The following GLRA3 variants were observed in gnomAD, a reference collection of about 807,000 sequenced individuals.
GLRA3 encodes the protein glycine receptor subunit alpha-3.
A neutral mutation model predicts 60.4 loss-of-function variants in GLRA3; 44 were observed. The ratio of observed to expected loss-of-function variants is 0.73; its 90% CI spans 0.57 to 0.94. The LOEUF is 0.94. Ranked by LOEUF, GLRA3 falls within the 40% of genes least tolerant of loss-of-function variation. GLRA3 has a pLI of 0.00. For missense variants in GLRA3, 508 were observed against 564.6 expected, an observed-to-expected ratio of 0.90 and a Z score of 1.02; for synonymous variants, 223 against 192.9, an observed-to-expected ratio of 1.16 and a Z score of -1.29.
intron 3 of GLRA3, among the ~76,000 whole-genome samples, chr4:174,731,512 A>G (rs186259428): frequency 4.7e-4 from 71 of 152,232 alleles, no homozygotes; most frequent in Non-Finnish European, 8.7e-4. Flanking sequence ...GCTACTCAAG[A>G]AGGCAACTTG....
At chr4:174,740,877 CTGGCTCTTTCT>C (rs1736995534) in intron 3 of GLRA3, among the ~76,000 whole-genome samples, 1 of 152,178 alleles carries the variant, frequency 6.6e-6, no homozygotes, top group Non-Finnish European at 1.5e-5. Flanking sequence ...CATTTTGAGT[CTGGCTCTTTCT>C]TGACTTAAGT....
intron 1 of GLRA3, among the ~76,000 whole-genome samples, chr4:174,794,727 A>G (rs1739492416): frequency 6.6e-6 from 1 of 152,234 alleles, no homozygotes. Flanking sequence ...GTATTCAAAA[A>G]ACAATAATTG....
chr4:174,685,731 G>A lies in GLRA3; in HGVS notation c.575-2792C>T, dbSNP rs371780631. The stretch of plus-strand genomic sequence containing the variant: ...TGTCCATTATAAATACCATTTTACC[G>A]AGAAAGTAGATGCACATTTCTCAAT... On this transcript the variant is annotated intron_variant, in intron 5 of 9. Transcript: ENST00000274093. Among the ~76,000 whole-genome samples the A allele has an allele frequency of 1.1e-4, 16 of 151,496 alleles. 1 individual carries two copies. The East Asian group carries it at 2.7e-3, about 26-fold the overall frequency.
At position 174,682,874 on chromosome 4, in the gene GLRA3, C is replaced by T. The variant is rs763755305; in HGVS notation, c.640G>A (p.Gly214Arg). The stretch of plus-strand genomic sequence containing the variant: ...AACAGAAACTGGGGCAAAGTGAGTC[C>T]TTCTGCCACTTGTACGGGTGCCTCA... ...QDEAPVQVAE[G>R]LTLPQFLLKE... Residue 214 changes from glycine to arginine, a missense_variant, in exon 6 of 10, where the codon GGA (glycine) becomes AGA (arginine). Transcript: ENST00000274093. 5.6e-6 allele frequency: 9 copies of T among 1,611,662 alleles called. No homozygotes were observed. In the Middle Eastern group the frequency reaches 5.0e-4, roughly 89 times the overall value.
chr4:174,728,740 T>C, intron 3 of GLRA3, 42 bp from the exon 4 acceptor site: 3 of 1,234,462 alleles, frequency 2.4e-6, no homozygotes, highest in Non-Finnish European at 3.5e-6. Context: ...AAAACCCTGC[T>C]TTAAAAAGTT....
chr4:174,812,235 A>G (rs563064140), intron 1 of GLRA3, among the ~76,000 whole-genome samples: 71 of 152,260 alleles, frequency 4.7e-4, no homozygotes, highest in African/African-American at 1.5e-3. Flanking sequence ...AAGATTCAGG[A>G]CATAAAAGCA....
intron 9 of GLRA3, among the ~76,000 whole-genome samples, chr4:174,649,924 C>A (rs1732967734): frequency 6.6e-6 from 1 of 152,092 alleles, no homozygotes. Context: ...CCTAAATTCT[C>A]CAGTATGTTG....
chr4:174,667,552 T>G (rs1241316357), intron 7 of GLRA3, among the ~76,000 whole-genome samples: 1 of 152,094 alleles, frequency 6.6e-6, no homozygotes, highest in African/African-American at 2.4e-5. Context: ...CAGGTCCAAA[T>G]TCAGTAATAT....
In GLRA3 at chr4:174,780,739, G is replaced by A. The variant is rs977704999; in HGVS notation, c.199+8077C>T. Among the ~76,000 whole-genome samples, 406 of 151,382 alleles carry A rather than the reference G, an allele frequency of 2.7e-3. 5 individuals carry two copies. The highest frequency in any genetic ancestry group is 9.4e-3 in the African/African-American group (388 of 41,230). ...AGAAGGCCATTACATAATGGTAAAG[G>A]GATCAATTCAACAAGAAGAGCTAAC... is the stretch of plus-strand genomic sequence containing the variant. On this transcript the variant is annotated intron_variant, in intron 2 of 9. Coordinates refer to ENST00000274093, the MANE Select transcript of GLRA3 (RefSeq NM_006529.4).
intron 4 of GLRA3, among the ~76,000 whole-genome samples, chr4:174,726,108 G>C (rs1579511535): frequency 6.6e-6 from 1 of 152,196 alleles, no homozygotes; most frequent in Non-Finnish European, 1.5e-5. Flanking sequence ...ACTATGGTGA[G>C]AGTGGCCTCA....
chr4:174,642,036 T>A lies in GLRA3; in HGVS notation c.*1750A>T, dbSNP rs1279762441. ...CTTACAGAGTAACAAATTCTTTTGGTTGTGTCATTTGCACATAATGCCAAA... is the reference window on the plus strand; with the variant it reads ...CTTACAGAGTAACAAATTCTTTTGGATGTGTCATTTGCACATAATGCCAAA... On this transcript the variant is annotated 3_prime_UTR_variant, in exon 10 of 10. Transcript: ENST00000274093. 11 of 527,722 alleles carry A rather than the reference T, an allele frequency of 2.1e-5. No individual in the cohort carries two copies. Among genetic ancestry groups the A allele is most frequent in the Non-Finnish European group, 2.4e-5 (10 of 411,802 alleles). 32.7% of individuals were successfully genotyped at this position (527,722 alleles called of 1,614,324 possible).
intron 4 of GLRA3, among the ~76,000 whole-genome samples, chr4:174,723,999 T>C (rs1055500124): frequency 5.3e-5 from 8 of 151,690 alleles, no homozygotes; most frequent in Admixed American, 3.9e-4. Flanking sequence ...ACTTCTTCTA[T>C]AGACATATAT....
At chr4:174,744,199 G>T (rs2111177375) in intron 3 of GLRA3, among the ~76,000 whole-genome samples, 1 of 152,356 alleles carries the variant, frequency 6.6e-6, no homozygotes, top group Admixed American at 6.5e-5. Flanking sequence ...TGCGGTGCTT[G>T]GGACCCAGAG....
At chr4:174,721,456 A>G (rs1187547335) in intron 4 of GLRA3, among the ~76,000 whole-genome samples, 4 of 148,914 alleles carry the variant, frequency 2.7e-5, no homozygotes, top group Non-Finnish European at 5.9e-5. Context: ...TAACATATAT[A>G]TACACACATA....
At chr4:174,731,151 A>G (rs887888014) in intron 3 of GLRA3, among the ~76,000 whole-genome samples, 2 of 152,212 alleles carry the variant, frequency 1.3e-5, no homozygotes, top group African/African-American at 4.8e-5. Context: ...TGCTCCTTAC[A>G]GTTTTGGTTT....
chr4:174,696,423 T>C (rs915578954), intron 5 of GLRA3, among the ~76,000 whole-genome samples: 3 of 150,178 alleles, frequency 2.0e-5, no homozygotes, highest in Admixed American at 6.7e-5. Flanking sequence ...AGTTGAAACG[T>C]GAATAACATA....
chr4:174,677,261 A>G lies in GLRA3; in HGVS notation c.744T>C (p.His248=). ...GATAGTATCCCATTTGTCGCTCCAG[A>G]TGGAATCGCACTTCTATACACGTAA... ...GKFTCIEVRF[H]LERQMGYYLI... Residue 248 remains histidine, a synonymous_variant, in exon 7 of 10, where the codon CAT becomes CAC. Transcript: ENST00000274093. The G allele has an allele frequency of 6.2e-7, 1 of 1,611,258 alleles. No homozygotes were observed. Among genetic ancestry groups the G allele is most frequent in the Non-Finnish European group, 8.5e-7 (1 of 1,177,752 alleles).
At chr4:174,827,208 T>C (rs771351845) in intron 1 of GLRA3, among the ~76,000 whole-genome samples, 2 of 151,920 alleles carry the variant, frequency 1.3e-5, no homozygotes, top group African/African-American at 2.4e-5. Context: ...GAAATACTTT[T>C]TCATAACTTT....
chr4:174,760,529 T>G (rs1247605281), intron 3 of GLRA3, among the ~76,000 whole-genome samples: 1 of 151,810 alleles, frequency 6.6e-6, no homozygotes, highest in Non-Finnish European at 1.5e-5. Context: ...CACAATGATT[T>G]TTTTTTTTTG....
Sources: gnomAD v4.1 joint callset for allele counts (sites outside exome capture counted in the v4.1 genomes callset) on GRCh38, gnomAD v4.1.1 for gene constraint, MANE v1.5 for transcripts, NCBI Gene and HGNC (gene_info 2026-07-23, HGNC 2026-07-21) for gene names.